Variants in TAF3 observed in about 807,000 individuals in gnomAD.
TAF3 encodes TATA-box binding protein associated factor 3.
In TAF3, 7 loss-of-function variants were observed where a neutral mutation model predicts 80.6. The observed-to-expected ratio is 0.09, with a 90% CI of 0.05 to 0.16. The LOEUF is 0.16. Among genes scored for constraint, TAF3 ranks in the 10% least tolerant of loss-of-function variants. The probability of loss-of-function intolerance (pLI) is 1.00; values close to 1 mark genes in which losing one functional copy is unlikely to be tolerated. For missense variants in TAF3, 921 were observed against 1,140.2 expected (o/e 0.81, Z 2.77); for synonymous variants, 444 against 446.1 (o/e 1.00, Z 0.06).
chr10:7,929,870 G>T (rs187190683), intron 2 of TAF3, among the ~76,000 whole-genome samples: 52 of 152,234 alleles, frequency 3.4e-4, no homozygotes, highest in African/African-American at 1.2e-3. Flanking sequence ...GTAAGAGTAG[G>T]TCCAAGTAAG....
chr10:7,975,672 G>C (rs1254998581), intron 3 of TAF3, among the ~76,000 whole-genome samples: 1 of 152,252 alleles, frequency 6.6e-6, no homozygotes, highest in Non-Finnish European at 1.5e-5. Context: ...CAAGGGAGCT[G>C]TCGAAGCAGT....
At chr10:7,851,090 A>G (rs545572802) in intron 2 of TAF3, among the ~76,000 whole-genome samples, 1 of 152,334 alleles carries the variant, frequency 6.6e-6, no homozygotes, top group Non-Finnish European at 1.5e-5. Context: ...ATTCTATAGT[A>G]TGTTTGGAAG....
chr10:7,890,500 A>T (rs1361855027), intron 2 of TAF3, among the ~76,000 whole-genome samples: 3 of 152,350 alleles, frequency 2.0e-5, no homozygotes, highest in African/African-American at 7.2e-5. Flanking sequence ...GAAAAGATTC[A>T]TATTACGAAA....
intron 1 of TAF3, among the ~76,000 whole-genome samples, chr10:7,823,348 A>G (rs1836708236): frequency 6.6e-6 from 1 of 151,544 alleles, no homozygotes; most frequent in Non-Finnish European, 1.5e-5. Flanking sequence ...AAAAAAAAAA[A>G]GGCCAGGCAC....
At chr10:7,856,546 G>A (rs1180405546) in intron 2 of TAF3, among the ~76,000 whole-genome samples, 1 of 152,088 alleles carries the variant, frequency 6.6e-6, no homozygotes, top group Non-Finnish European at 1.5e-5. Context: ...ACCAGTCCAG[G>A]AAGCCTAATA....
At chr10:7,886,964 G>A (rs1016626413) in intron 2 of TAF3, among the ~76,000 whole-genome samples, 9 of 151,976 alleles carry the variant, frequency 5.9e-5, no homozygotes, top group Non-Finnish European at 1.0e-4. Context: ...GGCCAGGCAC[G>A]GTGGCTTACA....
chr10:7,861,211 G>T (rs1263331865), intron 2 of TAF3, among the ~76,000 whole-genome samples: 2 of 152,064 alleles, frequency 1.3e-5, no homozygotes, highest in African/African-American at 4.8e-5. Flanking sequence ...TGATCCGCCC[G>T]TCTTGGCCTC....
At chr10:7,972,072 CTTTTA>C (rs924344044) in intron 3 of TAF3, among the ~76,000 whole-genome samples, 5 of 152,114 alleles carry the variant, frequency 3.3e-5, no homozygotes, top group African/African-American at 9.7e-5. Context: ...AAGTGCTGTT[CTTTTA>C]TTTTAACCCT....
intron 1 of TAF3, 28 bp from the exon 2 acceptor site, chr10:7,824,290 A>G: frequency 6.3e-7 from 1 of 1,576,130 alleles, no homozygotes; most frequent in Non-Finnish European, 8.6e-7. Context: ...TCTTCAAATA[A>G]TTTGATTTGC....
chr10:7,909,063 G>A (rs542013089), intron 2 of TAF3, among the ~76,000 whole-genome samples: 5 of 152,366 alleles, frequency 3.3e-5, no homozygotes, highest in South Asian at 2.1e-4. Flanking sequence ...CTTACCAGCC[G>A]TCGCTGGGCC....
At chr10:7,980,027 A>G (rs1831711412) in intron 4 of TAF3, among the ~76,000 whole-genome samples, 1 of 152,156 alleles carries the variant, frequency 6.6e-6, no homozygotes, top group South Asian at 2.1e-4. Flanking sequence ...AGCATGATAC[A>G]TGGCTTAGTC....
chr10:7,956,516 T>G lies in TAF3; in HGVS notation c.410-7404T>G, dbSNP rs375339152. Among the ~76,000 whole-genome samples, 70 of 152,276 alleles carry G rather than the reference T, an allele frequency of 4.6e-4. 1 individual carries two copies. In the East Asian group the frequency reaches 9.8e-3, roughly 21 times the overall value. On this transcript the variant is annotated intron_variant, in intron 2 of 6. Transcript: ENST00000344293. ...AATAATAATAATTTTAAAATAATTT[T>G]ACAGTCAAATGTTGACCTGGAACCA...
intron 1 of TAF3, among the ~76,000 whole-genome samples, chr10:7,823,054 A>G (rs1836705240): frequency 6.6e-6 from 1 of 152,194 alleles, no homozygotes; most frequent in Non-Finnish European, 1.5e-5. Context: ...GTAAGGTTGC[A>G]GTGAGCCATG....
chr10:7,909,901 A>T (rs1479101413), intron 2 of TAF3, among the ~76,000 whole-genome samples: 1 of 152,158 alleles, frequency 6.6e-6, no homozygotes, highest in East Asian at 1.9e-4. Flanking sequence ...ACCCCTGCAG[A>T]TACCCAGCTC....
chr10:7,832,581 T>A lies in TAF3; in HGVS notation c.409+8021T>A, dbSNP rs948870783. Among the ~76,000 whole-genome samples the A allele has an allele frequency of 1.5e-4, 23 of 152,264 alleles. 1 individual carries two copies. In the South Asian group the frequency reaches 4.6e-3, roughly 30 times the overall value. ...TTATTTTTGAGACAGTCTCGCACTGTCACCCAGGCTGGAGTGCAGTGGTGT... is the reference window on the plus strand; with the variant it reads ...TTATTTTTGAGACAGTCTCGCACTGACACCCAGGCTGGAGTGCAGTGGTGT... On this transcript the variant is annotated intron_variant, in intron 2 of 6. Transcript: ENST00000344293.
chr10:7,844,433 G>A (rs574004815), intron 2 of TAF3, among the ~76,000 whole-genome samples: 3 of 147,654 alleles, frequency 2.0e-5, no homozygotes, highest in Admixed American at 6.9e-5. Flanking sequence ...CTGGAGTGCA[G>A]TGGCGCGATC....
intron 2 of TAF3, among the ~76,000 whole-genome samples, chr10:7,836,104 G>A (rs1367762289): frequency 6.6e-6 from 1 of 151,966 alleles, no homozygotes; most frequent in African/African-American, 2.4e-5. Context: ...TAAAACATTG[G>A]TGCTTCTAAA....
chr10:7,857,159 CT>C (rs1323630449), intron 2 of TAF3, among the ~76,000 whole-genome samples: 1 of 152,154 alleles, frequency 6.6e-6, no homozygotes, highest in Non-Finnish European at 1.5e-5. Flanking sequence ...ATGTCAAAAC[CT>C]CCCTCCTTGC....
intron 2 of TAF3, among the ~76,000 whole-genome samples, chr10:7,876,279 T>G (rs1254960990): frequency 2.6e-5 from 4 of 152,194 alleles, no homozygotes; most frequent in Non-Finnish European, 4.4e-5. Flanking sequence ...TTTTTAAATT[T>G]AACAAGATTA....
Sources: gnomAD v4.1 joint callset for allele counts (sites outside exome capture counted in the v4.1 genomes callset) on GRCh38, gnomAD v4.1.1 for gene constraint, MANE v1.5 for transcripts, NCBI Gene and HGNC (gene_info 2026-07-23, HGNC 2026-07-21) for gene names.